VAV3: variants seen among roughly 807,000 people sequenced by gnomAD.
The protein encoded by VAV3 is vav guanine nucleotide exchange factor 3, also known as guanine nucleotide exchange factor VAV3.
In VAV3, 94 loss-of-function variants were observed where a neutral mutation model predicts 131.2. The ratio of observed to expected loss-of-function variants is 0.72; its 90% CI spans 0.61 to 0.85. The LOEUF is 0.85. VAV3 is among the 40% of genes least tolerant of loss of function. The probability of loss-of-function intolerance (pLI) is 0.00; values close to 1 mark genes in which losing one functional copy is unlikely to be tolerated. For missense variants in VAV3, 939 were observed against 1,002.7 expected (o/e 0.94, Z 0.86); for synonymous variants, 349 against 342.0 (o/e 1.02, Z -0.22).
chr1:107,687,549 T>C (rs1659119453), intron 18 of VAV3, among the ~76,000 whole-genome samples: 1 of 152,210 alleles, frequency 6.6e-6, no homozygotes, highest in Non-Finnish European at 1.5e-5. Flanking sequence ...AATGTTTTGC[T>C]ATGGCCATTT....
intron 17 of VAV3, among the ~76,000 whole-genome samples, chr1:107,702,087 C>T (rs559431071): frequency 3.3e-5 from 5 of 152,278 alleles, no homozygotes; most frequent in African/African-American, 1.2e-4. Context: ...TAATGTAATA[C>T]CTGAGACTGG....
chr1:107,735,734 A>C (rs1480251750), intron 15 of VAV3, among the ~76,000 whole-genome samples: 1 of 152,208 alleles, frequency 6.6e-6, no homozygotes, highest in African/African-American at 2.4e-5. Flanking sequence ...CAACCAAAAA[A>C]AGTCCAAGAC....
At chr1:107,803,192 T>C (rs1487431096) in intron 2 of VAV3, among the ~76,000 whole-genome samples, 1 of 152,030 alleles carries the variant, frequency 6.6e-6, no homozygotes, top group Admixed American at 6.6e-5. Context: ...GTCGCCTTTC[T>C]TGTTTCTGAT....
chr1:107,641,135 G>A (rs575307472), intron 20 of VAV3, among the ~76,000 whole-genome samples: 4 of 152,244 alleles, frequency 2.6e-5, no homozygotes, highest in African/African-American at 9.6e-5. Context: ...GAAGGAGTGG[G>A]ATACTTAAGA....
At chr1:107,737,144 C>T (rs1055600451) in intron 15 of VAV3, among the ~76,000 whole-genome samples, 3 of 152,304 alleles carry the variant, frequency 2.0e-5, no homozygotes, top group Admixed American at 1.3e-4. Flanking sequence ...GGAAAACTGG[C>T]TAGCCATATG....
intron 2 of VAV3, among the ~76,000 whole-genome samples, chr1:107,854,293 G>A (rs1669365968): frequency 2.6e-5 from 4 of 152,142 alleles, no homozygotes; most frequent in Admixed American, 2.0e-4. Flanking sequence ...TTGGGCAACA[G>A]AGCAAGACTC....
In VAV3 at chr1:107,596,325, T is replaced by C. The variant is rs1156741758; in HGVS notation, c.2237A>G (p.Tyr746Cys). 1.9e-6 allele frequency: 3 copies of C among 1,612,354 alleles called. No individual in the cohort carries two copies. Among genetic ancestry groups the C allele is most frequent in the African/African-American group, 1.3e-5 (1 of 74,874 alleles). Residue 746 changes from tyrosine to cysteine, a missense_variant, in exon 25 of 27, where the codon TAC (tyrosine) becomes TGC (cysteine). By Grantham distance (194) the Tyr-to-Cys change is radical. Coordinates refer to ENST00000370056, the MANE Select transcript of VAV3 (RefSeq NM_006113.5). ...FKSLMELVEY[Y>C]KHHSLKEGFR... is the part of the protein sequence containing the mutation. Reference sequence around the variant, plus strand: ...CCCTTCCTTGAGAGAATGATGCTTGTAGTACTCCACAAGTTCCTTTGGAAA... The same window carrying C: ...CCCTTCCTTGAGAGAATGATGCTTGCAGTACTCCACAAGTTCCTTTGGAAA...
At chr1:107,902,043 C>CAA (rs79561164) in intron 1 of VAV3, among the ~76,000 whole-genome samples, 6 of 117,476 alleles carry the variant, frequency 5.1e-5, no homozygotes, top group African/African-American at 9.5e-5. Flanking sequence ...AACTCCATCT[C>CAA]AAAAAAAAAA....
chr1:107,718,821 A>C (rs2101909155), intron 15 of VAV3, among the ~76,000 whole-genome samples: 1 of 152,336 alleles, frequency 6.6e-6, no homozygotes, highest in Admixed American at 6.5e-5. Flanking sequence ...ACAAGACCAC[A>C]GTAACCAAAA....
intron 15 of VAV3, among the ~76,000 whole-genome samples, chr1:107,732,358 T>C (rs544327532): frequency 6.6e-6 from 1 of 152,262 alleles, no homozygotes; most frequent in African/African-American, 2.4e-5. Flanking sequence ...TCACTGGGAC[T>C]GGTTGGACAG....
chr1:107,791,818 G>A (rs1341010320), intron 2 of VAV3, among the ~76,000 whole-genome samples: 4 of 152,094 alleles, frequency 2.6e-5, no homozygotes, highest in South Asian at 2.1e-4. Context: ...TGATTATCAG[G>A]CACTAGGTTA....
intron 15 of VAV3, among the ~76,000 whole-genome samples, chr1:107,729,839 G>A (rs144632061): frequency 5.3e-5 from 8 of 152,246 alleles, no homozygotes; most frequent in African/African-American, 1.7e-4. Context: ...CATAACAAAC[G>A]ATAAAGAGTA....
Position 107,921,569 on chromosome 1 carries a change from C to T in VAV3, c.204+43097G>A, listed in dbSNP as rs1672899712. On this transcript the variant is annotated intron_variant, in intron 1 of 26. Coordinates refer to ENST00000370056, the MANE Select transcript of VAV3 (RefSeq NM_006113.5). Reference sequence around the variant, plus strand: ...GAAAGTGGTAGGAAAGTTTATTCTACTCAAACATGAAACCTGCCTGACAGC... The same window carrying T: ...GAAAGTGGTAGGAAAGTTTATTCTATTCAAACATGAAACCTGCCTGACAGC... Among the ~76,000 whole-genome samples the T allele has an allele frequency of 2.6e-5, 4 of 152,208 alleles. No individual in the cohort carries two copies. In the South Asian group the frequency reaches 8.3e-4, roughly 32 times the overall value.
chr1:107,754,633 A>G (rs1435918300), intron 12 of VAV3, among the ~76,000 whole-genome samples: 2 of 152,140 alleles, frequency 1.3e-5, no homozygotes, highest in Non-Finnish European at 2.9e-5. Flanking sequence ...TAAAATCCCA[A>G]TTCAGCATAT....
chr1:107,600,260 G>A (rs2101092388), intron 24 of VAV3, among the ~76,000 whole-genome samples: 1 of 152,296 alleles, frequency 6.6e-6, no homozygotes, highest in East Asian at 1.9e-4. Flanking sequence ...CTTCAGATTA[G>A]TTCAGCTGCC....
intron 20 of VAV3, among the ~76,000 whole-genome samples, chr1:107,618,129 A>G (rs1653305442): frequency 6.6e-6 from 1 of 152,074 alleles, no homozygotes; most frequent in Non-Finnish European, 1.5e-5. Context: ...ATTTGACAGG[A>G]GGGGGAACTC....
intron 2 of VAV3, among the ~76,000 whole-genome samples, chr1:107,793,356 G>C (rs546911061): frequency 2.4e-4 from 37 of 152,022 alleles, no homozygotes; most frequent in Non-Finnish European, 3.8e-4. Context: ...GAGTTGAAAG[G>C]GTGTCTGCAT....
At chr1:107,829,958 T>G (rs1428465464) in intron 2 of VAV3, among the ~76,000 whole-genome samples, 1 of 152,188 alleles carries the variant, frequency 6.6e-6, no homozygotes, top group African/African-American at 2.4e-5. Context: ...TTATTTCATT[T>G]AAAGAACTAA....
intron 15 of VAV3, among the ~76,000 whole-genome samples, chr1:107,746,401 A>G (rs1170380469): frequency 6.6e-6 from 1 of 152,132 alleles, no homozygotes; most frequent in Non-Finnish European, 1.5e-5. Flanking sequence ...AACAAAAACT[A>G]CTTCTACTGG....
Sources: gnomAD v4.1 joint callset for allele counts (sites outside exome capture counted in the v4.1 genomes callset) on GRCh38, gnomAD v4.1.1 for gene constraint, MANE v1.5 for transcripts, NCBI Gene and HGNC (gene_info 2026-07-23, HGNC 2026-07-21) for gene names.